CXXC5: variants seen among roughly 807,000 people sequenced by gnomAD.
CXXC5 encodes CXXC-type zinc finger protein 5.
CXXC5 carries 2 observed loss-of-function variants against 17.6 expected under a neutral mutation model. The observed-to-expected ratio is 0.11, with a 90% confidence interval of 0.05 to 0.36. The LOEUF is 0.36. Ranked by LOEUF, CXXC5 falls within the 10% of genes least tolerant of loss-of-function variation. The pLI is 1.00. For synonymous variants in CXXC5, 171 were observed against 193.0 expected (o/e 0.89, Z 0.94); for missense variants, 343 against 458.3 (o/e 0.75, Z 2.30).
chr5:139,668,702 C>G lies in CXXC5; in HGVS notation c.-160-11662C>G, dbSNP rs768393578. ...TGCCGGGGTACCTGGCTTGGAGGCT[C>G]TCTTCAGTCTCGGGAGAGATATGCT... is the stretch of plus-strand genomic sequence containing the variant. On this transcript the variant is annotated intron_variant, in intron 1 of 2. Transcript: ENST00000302517. The surrounding 1 kb of genome is among the most constrained non-coding windows in gnomAD (Gnocchi z 4.1). Among the ~76,000 whole-genome samples, 5 of 152,168 alleles carry G rather than the reference C, an allele frequency of 3.3e-5. No homozygotes were observed. Among genetic ancestry groups the G allele is most frequent in the African/African-American group, 7.2e-5 (3 of 41,428 alleles).
At chr5:139,659,159 T>G (rs1040083583) in intron 1 of CXXC5, among the ~76,000 whole-genome samples, 1 of 152,200 alleles carries the variant, frequency 6.6e-6, no homozygotes, top group Non-Finnish European at 1.5e-5. Context: ...GTGCTGTGCC[T>G]GGATGCTGGG....
intron 1 of CXXC5, among the ~76,000 whole-genome samples, chr5:139,655,900 G>A (rs1258425647): frequency 6.6e-6 from 1 of 152,206 alleles, no homozygotes; most frequent in African/African-American, 2.4e-5. Context: ...GGCCTCCCAG[G>A]AATGTGGCTG....
rs542198669 is a variant in CXXC5, at chr5:139,665,383, C to T, written c.-160-14981C>T. On this transcript the variant is annotated intron_variant, in intron 1 of 2. Transcript: ENST00000302517. ...ATGGGGGCACCGGGATGAGCTGGGC[C>T]GGCCATGGGTCTCCCAGAGCCCCCA... 2.6e-5 allele frequency among the ~76,000 whole-genome samples: 4 copies of T among 152,352 alleles called. No individual in the cohort carries two copies. In the South Asian group the frequency reaches 6.2e-4, roughly 24 times the overall value.
chr5:139,662,087 CA>C (rs1221073745), intron 1 of CXXC5, among the ~76,000 whole-genome samples: 6 of 113,018 alleles, frequency 5.3e-5, no homozygotes, highest in African/African-American at 3.2e-4. Context: ...TGGGAGGTGA[CA>C]GGGTGTGCCA....
intron 1 of CXXC5, among the ~76,000 whole-genome samples, chr5:139,650,712 C>T (rs1254904332): frequency 6.6e-6 from 1 of 152,180 alleles, no homozygotes; most frequent in African/African-American, 2.4e-5. Flanking sequence ...TGATCCCCCT[C>T]CTGAAAGATG....
At chr5:139,682,530 C>T (rs781548340) in intron 2 of CXXC5, among the ~76,000 whole-genome samples, 10 of 152,334 alleles carry the variant, frequency 6.6e-5, no homozygotes, top group Middle Eastern at 3.4e-3. Flanking sequence ...TATGCACACC[C>T]GTCGCACGTG....
intron 1 of CXXC5, among the ~76,000 whole-genome samples, chr5:139,652,171 C>CGTGCGTGTGTGTGTGT (rs1755243247): frequency 8.7e-6 from 1 of 114,960 alleles, no homozygotes; most frequent in African/African-American, 2.8e-5. Flanking sequence ...CGCGCGCGCG[C>CGTGCGTGTGTGTGTGT]GTGTGTGTGT....
intron 1 of CXXC5, chr5:139,679,648 G>A (rs1208455065): frequency 1.3e-5 from 2 of 152,194 alleles, no homozygotes; most frequent in Non-Finnish European, 2.9e-5. Flanking sequence ...AGATTAGGAT[G>A]TGGAGGTGGT....
chr5:139,679,054 G>T (rs909579434), intron 1 of CXXC5, among the ~76,000 whole-genome samples: 1 of 152,242 alleles, frequency 6.6e-6, no homozygotes, highest in Non-Finnish European at 1.5e-5. Context: ...TGGAAATATG[G>T]AGGTGGCCAG....
At chr5:139,657,908 G>T (rs1024963323) in intron 1 of CXXC5, among the ~76,000 whole-genome samples, 2 of 143,832 alleles carry the variant, frequency 1.4e-5, no homozygotes, top group South Asian at 2.5e-4. Flanking sequence ...GCCGCAGGAT[G>T]GGGTGCAGGC....
chr5:139,669,309 C>T (rs1756313846), intron 1 of CXXC5, among the ~76,000 whole-genome samples: 1 of 152,212 alleles, frequency 6.6e-6, no homozygotes, highest in South Asian at 2.1e-4. Context: ...GCTAATCCCC[C>T]TCCAGCCCTG....
chr5:139,652,171 CGT>C (rs70988712), intron 1 of CXXC5, among the ~76,000 whole-genome samples: 3,018 of 114,802 alleles, frequency 0.026, 48 homozygotes, highest in Non-Finnish European at 0.041. Flanking sequence ...CGCGCGCGCG[CGT>C]GTGTGTGTGT....
intron 1 of CXXC5, among the ~76,000 whole-genome samples, chr5:139,674,659 G>A (rs1460399926): frequency 6.6e-6 from 1 of 152,216 alleles, no homozygotes; most frequent in Non-Finnish European, 1.5e-5. Context: ...TAAATTATAT[G>A]TATACTTTAA....
At chr5:139,676,831 A>G (rs1756857968) in intron 1 of CXXC5, among the ~76,000 whole-genome samples, 1 of 151,312 alleles carries the variant, frequency 6.6e-6, no homozygotes, top group Non-Finnish European at 1.5e-5. Flanking sequence ...CACTGTCTCC[A>G]CTAACCTTGA....
intron 1 of CXXC5, among the ~76,000 whole-genome samples, chr5:139,671,098 A>G (rs1004029401): frequency 2.6e-5 from 4 of 152,184 alleles, no homozygotes; most frequent in African/African-American, 9.6e-5. Context: ...GGAGCCTCGG[A>G]GAGTGGGAAA....
At chr5:139,656,576 A>T (rs1755508215) in intron 1 of CXXC5, among the ~76,000 whole-genome samples, 1 of 152,136 alleles carries the variant, frequency 6.6e-6, no homozygotes, top group African/African-American at 2.4e-5. Context: ...GGGGCTGCTT[A>T]TTGGGCCTGC....
intron 1 of CXXC5, chr5:139,659,406 G>A (rs1015247617): frequency 6.6e-6 from 1 of 152,362 alleles, no homozygotes; most frequent in Non-Finnish European, 1.5e-5. Context: ...CCCCCAGCCA[G>A]TCCAAGTGGA....
chr5:139,680,643 G>C lies in CXXC5; in HGVS notation c.120G>C (p.Val40=). ...CAGGAGCAGCAGACAAGAGTGCAGT[G>C]GTGGCTGCCGCCGCACCAGCCTCAG... The part of the protein sequence containing the change: ...PKAGAADKSA[V]VAAAAPASVA... Residue 40 remains valine, a synonymous_variant, in exon 2 of 3, where the codon GTG becomes GTC. Coordinates refer to ENST00000302517, the MANE Select transcript of CXXC5 (RefSeq NM_016463.9). 2 of 1,611,722 alleles carry C rather than the reference G, an allele frequency of 1.2e-6. No homozygotes were observed. The highest frequency in any genetic ancestry group is 1.7e-6 in the Non-Finnish European group (2 of 1,179,732).
At chr5:139,657,941 TCTCA>T (rs1328675045) in intron 1 of CXXC5, among the ~76,000 whole-genome samples, 4 of 139,278 alleles carry the variant, frequency 2.9e-5, no homozygotes, top group African/African-American at 1.0e-4. Flanking sequence ...CACCACCCAC[TCTCA>T]CTCTGGTGCG....
Sources: gnomAD v4.1 joint callset for allele counts (sites outside exome capture counted in the v4.1 genomes callset) on GRCh38, gnomAD v4.1.1 for gene constraint, Gnocchi (gnomAD v3.1) non-coding constraint, MANE v1.5 for transcripts, NCBI Gene and HGNC (gene_info 2026-07-23, HGNC 2026-07-21) for gene names.